The following PXDNL variants were observed in gnomAD, a reference collection of about 807,000 sequenced individuals.
PXDNL encodes the protein peroxidasin like, also known as probable oxidoreductase PXDNL.
PXDNL carries 145 observed loss-of-function variants against 150.8 expected under a neutral mutation model. That is an observed-to-expected ratio of 0.96 (90% CI 0.84 to 1.10). The LOEUF is 1.10. Ranked by LOEUF, PXDNL falls within the 50% of genes least tolerant of loss-of-function variation. The pLI is 0.00. For synonymous variants in PXDNL, 757 were observed against 725.7 expected, an observed-to-expected ratio of 1.04 and a Z score of -0.69; for missense variants, 2,087 against 1,873.9, an observed-to-expected ratio of 1.11 and a Z score of -2.10.
At chr8:51,323,063 G>A (rs1355243949) in intron 21 of PXDNL, among the ~76,000 whole-genome samples, 4 of 151,960 alleles carry the variant, frequency 2.6e-5, no homozygotes, top group Non-Finnish European at 2.9e-5. Context: ...TCTTGAGTGG[G>A]GTCATGGGTT....
At chr8:51,550,910 A>T (rs1812465476) in intron 4 of PXDNL, among the ~76,000 whole-genome samples, 1 of 152,178 alleles carries the variant, frequency 6.6e-6, no homozygotes, top group Admixed American at 6.5e-5. Context: ...TGTACCAGAA[A>T]ACCCTAAAGG....
chr8:51,396,119 G>A (rs1038567391), intron 17 of PXDNL, among the ~76,000 whole-genome samples: 2 of 152,318 alleles, frequency 1.3e-5, no homozygotes, highest in East Asian at 1.9e-4. Flanking sequence ...AGCAGGGAAC[G>A]CAGCTTCAGC....
chr8:51,640,935 C>T (rs887085334), intron 2 of PXDNL, among the ~76,000 whole-genome samples: 25 of 152,206 alleles, frequency 1.6e-4, no homozygotes, highest in African/African-American at 5.3e-4. Flanking sequence ...GGAGGCATCA[C>T]GCTACCTGAC....
intron 12 of PXDNL, among the ~76,000 whole-genome samples, chr8:51,429,971 T>C (rs1008247822): frequency 3.3e-5 from 5 of 152,164 alleles, no homozygotes; most frequent in Admixed American, 2.6e-4. Context: ...TGACAATGCA[T>C]AATGGACATC....
intron 9 of PXDNL, among the ~76,000 whole-genome samples, chr8:51,454,073 G>T (rs1222227175): frequency 6.6e-6 from 1 of 151,226 alleles, no homozygotes; most frequent in Non-Finnish European, 1.5e-5. Flanking sequence ...TATTTTAGGG[G>T]TTAAATGTTT....
At chr8:51,723,735 G>A (rs1046810091) in intron 1 of PXDNL, among the ~76,000 whole-genome samples, 5 of 152,206 alleles carry the variant, frequency 3.3e-5, no homozygotes, top group African/African-American at 7.2e-5. Flanking sequence ...TCCTCTGAGC[G>A]AGGTGGGGCT....
At chr8:51,682,210 GA>G (rs1486422997) in intron 1 of PXDNL, among the ~76,000 whole-genome samples, 1 of 152,122 alleles carries the variant, frequency 6.6e-6, no homozygotes, top group Non-Finnish European at 1.5e-5. Flanking sequence ...TACATGCTCA[GA>G]AAGAGTTTTA....
At chr8:51,591,083 G>A (rs1340452660) in intron 3 of PXDNL, among the ~76,000 whole-genome samples, 1 of 147,022 alleles carries the variant, frequency 6.8e-6, no homozygotes, top group Non-Finnish European at 1.5e-5. Context: ...CCATTATCAT[G>A]GGAGTGGATT....
intron 21 of PXDNL, among the ~76,000 whole-genome samples, chr8:51,338,626 C>CA (rs1470562651): frequency 3.9e-4 from 59 of 152,260 alleles, no homozygotes; most frequent in African/African-American, 1.4e-3. Flanking sequence ...GCATATACCT[C>CA]ACAGTGACAT....
chr8:51,605,781 A>G (rs1347235208), intron 2 of PXDNL, among the ~76,000 whole-genome samples: 1 of 152,228 alleles, frequency 6.6e-6, no homozygotes, highest in African/African-American at 2.4e-5. Flanking sequence ...TAATGTTGCT[A>G]TCAAAGGTGT....
At position 51,495,606 on chromosome 8, in the gene PXDNL, C is replaced by T. The variant is rs182958210; in HGVS notation, c.452+4093G>A. ...AAAATGATAAAGGGGATATCACCAC[C>T]GATCCCACAGACACACAAACTACCA... is the stretch of plus-strand genomic sequence containing the variant. On this transcript the variant is annotated intron_variant, in intron 5 of 22. Transcript: ENST00000356297. 3.2e-4 allele frequency among the ~76,000 whole-genome samples: 48 copies of T among 152,210 alleles called. No individual in the cohort carries two copies. The East Asian group carries it at 3.7e-3, about 12-fold the overall frequency.
chr8:51,673,956 G>T (rs1379952827), intron 1 of PXDNL, among the ~76,000 whole-genome samples: 1 of 152,180 alleles, frequency 6.6e-6, no homozygotes, highest in Non-Finnish European at 1.5e-5. Context: ...AAGAACTTAA[G>T]AAGTTATTTT....
intron 1 of PXDNL, among the ~76,000 whole-genome samples, chr8:51,775,808 A>C (rs897532648): frequency 6.6e-6 from 1 of 152,232 alleles, no homozygotes; most frequent in Non-Finnish European, 1.5e-5. Flanking sequence ...CCTTGAAAAA[A>C]GAACAGGATA....
At chr8:51,753,584 T>G (rs951476542) in intron 1 of PXDNL, among the ~76,000 whole-genome samples, 1 of 152,266 alleles carries the variant, frequency 6.6e-6, no homozygotes, top group South Asian at 2.1e-4. Context: ...AGTACTTTAA[T>G]CTGTGCATCG....
chr8:51,411,326 C>T lies in PXDNL; in HGVS notation c.1986G>A (p.Gly662=). Residue 662 remains glycine, a synonymous_variant, in exon 16 of 23, where the codon GGG becomes GGA. Coordinates refer to ENST00000356297, the MANE Select transcript of PXDNL (RefSeq NM_144651.5). ...DPLIVEMARA[G]EIFEHTLQLI... is the part of the protein sequence containing the mutation. ...GCTGCAGCGTGTGCTCAAAAATCTC[C>T]CCTGCTCTTGCCATTTCCACAATCA... 1 of 1,590,158 alleles carries T rather than the reference C, an allele frequency of 6.3e-7. No homozygotes were observed. Among genetic ancestry groups the T allele is most frequent in the Non-Finnish European group, 8.5e-7 (1 of 1,170,368 alleles).
At chr8:51,355,625 A>T (rs1450338112) in intron 19 of PXDNL, among the ~76,000 whole-genome samples, 1 of 152,194 alleles carries the variant, frequency 6.6e-6, no homozygotes, top group East Asian at 1.9e-4. Context: ...TCTGTTCTAT[A>T]TTGAAGAGAA....
intron 12 of PXDNL, among the ~76,000 whole-genome samples, chr8:51,437,515 G>T (rs1263929025): frequency 6.6e-6 from 1 of 152,152 alleles, no homozygotes; most frequent in Non-Finnish European, 1.5e-5. Flanking sequence ...TTATACCAGG[G>T]ATGCACAGAT....
At chr8:51,667,506 A>G (rs1196540557) in intron 1 of PXDNL, among the ~76,000 whole-genome samples, 1 of 152,114 alleles carries the variant, frequency 6.6e-6, no homozygotes, top group Non-Finnish European at 1.5e-5. Context: ...TTTCTTCACC[A>G]ATTTGATATT....
intron 1 of PXDNL, among the ~76,000 whole-genome samples, chr8:51,750,452 G>A (rs1001946228): frequency 1.3e-5 from 2 of 152,268 alleles, no homozygotes; most frequent in South Asian, 4.1e-4. Flanking sequence ...AGACACCTGC[G>A]TAATGCATTG....
Sources: gnomAD v4.1 joint callset for allele counts (sites outside exome capture counted in the v4.1 genomes callset) on GRCh38, gnomAD v4.1.1 for gene constraint, MANE v1.5 for transcripts, NCBI Gene and HGNC (gene_info 2026-07-23, HGNC 2026-07-21) for gene names.